The following AP3B1 variants were observed in gnomAD, a reference collection of about 807,000 sequenced individuals.
AP3B1 encodes the protein adaptor related protein complex 3 subunit beta 1.
A neutral mutation model predicts 132.5 loss-of-function variants in AP3B1; 61 were observed. The ratio of observed to expected loss-of-function variants is 0.46; its 90% CI spans 0.37 to 0.57. AP3B1 has a LOEUF of 0.57. Ranked by LOEUF, AP3B1 falls within the 20% of genes least tolerant of loss-of-function variation. The pLI, the probability that AP3B1 is intolerant of heterozygous loss-of-function variation, is 0.00. For synonymous variants in AP3B1, 388 were observed against 438.3 expected (o/e 0.89, Z 1.43); for missense variants, 1,120 against 1,289.4 (o/e 0.87, Z 2.01).
chr5:78,065,683 TG>T (rs1238676002), intron 22 of AP3B1, among the ~76,000 whole-genome samples: 4 of 152,122 alleles, frequency 2.6e-5, no homozygotes. Flanking sequence ...AAAGCCACTC[TG>T]GGGAAGGGCA....
chr5:78,023,619 C>T (rs1327471813), intron 24 of AP3B1, among the ~76,000 whole-genome samples: 2 of 151,948 alleles, frequency 1.3e-5, no homozygotes, highest in Non-Finnish European at 2.9e-5. Context: ...GGATAAAGCG[C>T]AAATCTGGTG....
intron 7 of AP3B1, among the ~76,000 whole-genome samples, chr5:78,210,648 G>T (rs566823417): frequency 4.6e-5 from 7 of 152,118 alleles, no homozygotes; most frequent in Non-Finnish European, 1.0e-4. Context: ...AAAATATTTT[G>T]ATAATTCTTG....
At chr5:78,136,716 C>G (rs901830458) in intron 15 of AP3B1, among the ~76,000 whole-genome samples, 10 of 145,550 alleles carry the variant, frequency 6.9e-5, no homozygotes, top group African/African-American at 2.5e-4. Flanking sequence ...AATTGTACTT[C>G]TGGTTTTTTT....
chr5:78,019,100 G>C (rs1746983526), intron 25 of AP3B1, among the ~76,000 whole-genome samples: 1 of 152,058 alleles, frequency 6.6e-6, no homozygotes, highest in Admixed American at 6.6e-5. Flanking sequence ...TAGCCTTTCT[G>C]CTCTATTAAA....
intron 26 of AP3B1, among the ~76,000 whole-genome samples, chr5:78,014,133 A>G (rs968934469): frequency 6.6e-6 from 1 of 152,192 alleles, no homozygotes; most frequent in Non-Finnish European, 1.5e-5. Flanking sequence ...ACTGCGCTCC[A>G]GCCTGGGTGA....
At chr5:78,056,675 T>C (rs777851075) in intron 22 of AP3B1, among the ~76,000 whole-genome samples, 1 of 152,218 alleles carries the variant, frequency 6.6e-6, no homozygotes, top group Non-Finnish European at 1.5e-5. Context: ...CTAAATGATG[T>C]TGATGTTAAA....
rs1750079484 is a variant in AP3B1 at position 78,082,947 on chromosome 5, C to G, written c.2577+6446G>C. 2.0e-5 allele frequency among the ~76,000 whole-genome samples: 3 copies of G among 152,000 alleles called. No homozygotes were observed. The South Asian group carries it at 6.2e-4, about 32-fold the overall frequency. On this transcript the variant is annotated intron_variant, in intron 22 of 26. Transcript: ENST00000255194. Reference sequence around the variant, plus strand: ...TCTCCTGTCTCAGCCTCCCAAGTAGCTGGGATTACAGGCACACGCCACCAC... The same window carrying G: ...TCTCCTGTCTCAGCCTCCCAAGTAGGTGGGATTACAGGCACACGCCACCAC...
intron 18 of AP3B1, among the ~76,000 whole-genome samples, chr5:78,114,793 T>G (rs780245256): frequency 6.6e-6 from 1 of 152,176 alleles, no homozygotes; most frequent in Non-Finnish European, 1.5e-5. Flanking sequence ...AGTGAAAACC[T>G]AGGACTGCCT....
At chr5:78,170,600 G>T (rs934102333) in intron 11 of AP3B1, among the ~76,000 whole-genome samples, 8 of 151,400 alleles carry the variant, frequency 5.3e-5, no homozygotes, top group African/African-American at 1.9e-4. Context: ...TTTCTGATGG[G>T]GTTGCTCTTT....
chr5:78,181,760 C>A, intron 7 of AP3B1, 98 bp from the exon 8 acceptor site: 1 of 1,023,614 alleles, frequency 9.8e-7, no homozygotes, highest in South Asian at 1.4e-5. Context: ...TCTATAACAA[C>A]ATTTTACCGT....
At chr5:78,287,805 T>C (rs1481313339) in intron 1 of AP3B1, among the ~76,000 whole-genome samples, 5 of 150,254 alleles carry the variant, frequency 3.3e-5, no homozygotes, top group Non-Finnish European at 7.4e-5. Flanking sequence ...AGCAAATATG[T>C]TAACAGCTCT....
At chr5:78,115,892 G>C in intron 18 of AP3B1, 1 of 504,282 alleles carries the variant, frequency 2.0e-6, no homozygotes, top group South Asian at 2.0e-5. Flanking sequence ...TCCTGTTTCA[G>C]CTATACCAAT....
At chr5:78,269,887 TTTTC>T (rs1384561993) in intron 1 of AP3B1, among the ~76,000 whole-genome samples, 2 of 152,096 alleles carry the variant, frequency 1.3e-5, no homozygotes, top group East Asian at 1.9e-4. Context: ...TTCATTTTAT[TTTTC>T]TTTAATTTTA....
intron 22 of AP3B1, among the ~76,000 whole-genome samples, chr5:78,072,247 A>G (rs1351195751): frequency 6.6e-6 from 1 of 152,240 alleles, no homozygotes; most frequent in Non-Finnish European, 1.5e-5. Context: ...TTATTTCATC[A>G]GTAAATACTT....
At chr5:78,096,995 C>CCG (rs1750844294) in intron 21 of AP3B1, among the ~76,000 whole-genome samples, 2 of 142,454 alleles carry the variant, frequency 1.4e-5, no homozygotes, top group African/African-American at 2.7e-5. Flanking sequence ...GCCAGCCGCC[C>CCG]TGTCCGGGAG....
rs546630983 is a variant in AP3B1, at chr5:78,057,034, G to T, written c.2578-17760C>A. ...AGAACATAGTTTCATTTTTATACAG[G>T]ATATTGCCCACCCACCTTATCATCA... On this transcript the variant is annotated intron_variant, in intron 22 of 26. Transcript: ENST00000255194. Among the ~76,000 whole-genome samples the T allele has an allele frequency of 3.3e-5, 5 of 152,258 alleles. No homozygotes were observed. In the East Asian group the frequency reaches 9.6e-4, roughly 29 times the overall value.
At chr5:78,052,467 T>C (rs541949064) in intron 22 of AP3B1, among the ~76,000 whole-genome samples, 2 of 152,178 alleles carry the variant, frequency 1.3e-5, no homozygotes, top group Non-Finnish European at 2.9e-5. Context: ...GTAATATGAT[T>C]GTAACATTAA....
At chr5:78,142,504 T>C (rs1753194480) in intron 14 of AP3B1, among the ~76,000 whole-genome samples, 1 of 152,216 alleles carries the variant, frequency 6.6e-6, no homozygotes, top group African/African-American at 2.4e-5. Context: ...TTCTGTAGTT[T>C]CATGGCTATA....
intron 20 of AP3B1, among the ~76,000 whole-genome samples, chr5:78,105,524 C>A (rs1345746822): frequency 1.3e-5 from 2 of 151,380 alleles, no homozygotes; most frequent in Non-Finnish European, 2.9e-5. Context: ...GTCTACATCA[C>A]TGAATTTTCT....
Sources: gnomAD v4.1 joint callset for allele counts (sites outside exome capture counted in the v4.1 genomes callset) on GRCh38, gnomAD v4.1.1 for gene constraint, MANE v1.5 for transcripts, NCBI Gene and HGNC (gene_info 2026-07-23, HGNC 2026-07-21) for gene names.